Variants in FAM83B observed in about 807,000 individuals in gnomAD.
FAM83B encodes scaffolding CK1 anchoring protein B, also known as protein FAM83B.
Under a neutral mutation model 38.8 loss-of-function variants are expected in FAM83B, and 26 were observed. That is an observed-to-expected ratio of 0.67 (90% confidence interval 0.49 to 0.93). The LOEUF is 0.93. Among genes scored for constraint, FAM83B ranks in the 40% least tolerant of loss-of-function variants. FAM83B has a pLI of 0.00. For missense variants in FAM83B, 1,237 were observed against 1,197.3 expected (o/e 1.03, Z -0.49); for synonymous variants, 419 against 423.1 (o/e 0.99, Z 0.12).
Position 54,926,537 on chromosome 6 carries a change from TA to T in FAM83B, c.609+4del. 6.5e-7 allele frequency: 1 copy of T among 1,537,492 alleles called. No homozygotes were observed. Among genetic ancestry groups the T allele is most frequent in the Non-Finnish European group, 8.8e-7 (1 of 1,140,300 alleles). On this transcript the variant is annotated splice_donor_region_variant and intron_variant, in intron 3 of 4. Transcript: ENST00000306858. The stretch of plus-strand genomic sequence containing the variant: ...GGTTGTTCAGTTCAGCGTCTCAGGG[TA>T]AGAATTCTGTTTTTTTTTTCCTCAA...
chr6:54,863,696 A>T (rs1368198776), intron 1 of FAM83B, among the ~76,000 whole-genome samples: 1 of 152,238 alleles, frequency 6.6e-6, no homozygotes, highest in Non-Finnish European at 1.5e-5. Flanking sequence ...GAATGTAGTT[A>T]ATTTTTGATA....
In FAM83B at chr6:54,941,243, A is replaced by C; in HGVS notation, c.2272A>C (p.Lys758Gln). The C allele has an allele frequency of 3.1e-6, 5 of 1,613,492 alleles. No homozygotes were observed. In the South Asian group the frequency reaches 5.5e-5, roughly 18 times the overall value. Reference protein sequence around the residue: ...KEESNKELASKKEVKGSPSFL... With the variant: ...KEESNKELASQKEVKGSPSFL... ...GGAATCTAACAAAGAACTTGCTTCAAAGAAGGAAGTTAAGGGTTCCCCAAG... is the reference window on the plus strand; with the variant it reads ...GGAATCTAACAAAGAACTTGCTTCACAGAAGGAAGTTAAGGGTTCCCCAAG... Residue 758 changes from lysine to glutamine, a missense_variant, in exon 5 of 5, where the codon AAG becomes CAG. Coordinates refer to ENST00000306858, the MANE Select transcript of FAM83B (RefSeq NM_001010872.3).
chr6:54,909,042 A>T (rs1008245582), intron 2 of FAM83B, among the ~76,000 whole-genome samples: 2 of 152,196 alleles, frequency 1.3e-5, no homozygotes, highest in African/African-American at 4.8e-5. Context: ...AGTGGAAATA[A>T]TACTACTTGT....
intron 2 of FAM83B, among the ~76,000 whole-genome samples, chr6:54,910,922 A>G (rs1164137722): frequency 1.3e-5 from 2 of 152,184 alleles, no homozygotes; most frequent in Non-Finnish European, 2.9e-5. Flanking sequence ...TGTAATAAGA[A>G]AATATACTAT....
intron 1 of FAM83B, among the ~76,000 whole-genome samples, chr6:54,852,476 A>T (rs1358749510): frequency 6.6e-6 from 1 of 152,142 alleles, no homozygotes; most frequent in Non-Finnish European, 1.5e-5. Context: ...GTGTGTTCTG[A>T]CTGCTCCACC....
At chr6:54,884,812 G>A (rs1270007179) in intron 2 of FAM83B, among the ~76,000 whole-genome samples, 1 of 147,574 alleles carries the variant, frequency 6.8e-6, no homozygotes, top group Non-Finnish European at 1.5e-5. Flanking sequence ...TAGCTCTGTC[G>A]CCCATGCTGG....
At chr6:54,868,183 G>T (rs574859163) in intron 1 of FAM83B, among the ~76,000 whole-genome samples, 1 of 152,126 alleles carries the variant, frequency 6.6e-6, no homozygotes, top group Non-Finnish European at 1.5e-5. Context: ...TATGAAGTGA[G>T]CAACTTTATG....
intron 2 of FAM83B, among the ~76,000 whole-genome samples, chr6:54,907,976 G>A (rs755437362): frequency 1.8e-4 from 27 of 151,870 alleles, no homozygotes; most frequent in Non-Finnish European, 3.1e-4. Flanking sequence ...GTCCACTTAA[G>A]GAATAAAAAA....
At chr6:54,913,093 C>G (rs1377382952) in intron 2 of FAM83B, among the ~76,000 whole-genome samples, 1 of 151,912 alleles carries the variant, frequency 6.6e-6, no homozygotes, top group Non-Finnish European at 1.5e-5. Flanking sequence ...ATTGTTTATA[C>G]TTGACATCAA....
At chr6:54,908,973 T>C (rs1042537695) in intron 2 of FAM83B, among the ~76,000 whole-genome samples, 2 of 152,160 alleles carry the variant, frequency 1.3e-5, no homozygotes, top group Admixed American at 6.5e-5. Flanking sequence ...CTTAAATAAA[T>C]ATTAGTTTCT....
intron 2 of FAM83B, among the ~76,000 whole-genome samples, chr6:54,890,961 A>T (rs1772388452): frequency 6.6e-6 from 1 of 152,054 alleles, no homozygotes; most frequent in African/African-American, 2.4e-5. Flanking sequence ...AGAGAAAAAA[A>T]AAAATAAAGT....
intron 2 of FAM83B, among the ~76,000 whole-genome samples, chr6:54,893,361 AT>A (rs753054010): frequency 2.7e-4 from 41 of 152,110 alleles, no homozygotes; most frequent in Non-Finnish European, 4.9e-4. Context: ...TATTGTGGTT[AT>A]TTGTTAATAC....
chr6:54,937,378 T>C (rs993070802), intron 4 of FAM83B, among the ~76,000 whole-genome samples: 44 of 152,204 alleles, frequency 2.9e-4, no homozygotes, highest in African/African-American at 1.0e-3. Flanking sequence ...TCCTAAAAAT[T>C]GTATTTTATA....
chr6:54,892,684 A>G (rs1011590066), intron 2 of FAM83B, among the ~76,000 whole-genome samples: 2 of 149,188 alleles, frequency 1.3e-5, no homozygotes, highest in African/African-American at 2.4e-5. Context: ...TATTAATATT[A>G]TATACATAAA....
chr6:54,902,393 A>T (rs938060609), intron 2 of FAM83B, among the ~76,000 whole-genome samples: 5 of 152,122 alleles, frequency 3.3e-5, no homozygotes, highest in Non-Finnish European at 5.9e-5. Context: ...GACTCTGCCA[A>T]CTTCTACAGG....
intron 2 of FAM83B, among the ~76,000 whole-genome samples, chr6:54,897,642 T>G (rs114329739): frequency 6.6e-4 from 100 of 152,294 alleles, no homozygotes; most frequent in African/African-American, 2.3e-3. Flanking sequence ...CTGGAATTTC[T>G]TAGTCATTTT....
chr6:54,928,098 C>G (rs921823579), intron 4 of FAM83B, among the ~76,000 whole-genome samples: 2 of 152,130 alleles, frequency 1.3e-5, no homozygotes, highest in Non-Finnish European at 2.9e-5. Context: ...GAGGCTGGCT[C>G]GAGAGTGTAA....
At chr6:54,927,393 T>C in intron 3 of FAM83B, 115 bp from the exon 4 acceptor site, 2 of 757,806 alleles carry the variant, frequency 2.6e-6, no homozygotes, top group Non-Finnish European at 3.9e-6. Context: ...GTTTTTTTTT[T>C]AATTACCTTA....
At chr6:54,915,735 A>G (rs372330238) in intron 2 of FAM83B, among the ~76,000 whole-genome samples, 2 of 94,248 alleles carry the variant, frequency 2.1e-5, no homozygotes, top group East Asian at 4.5e-4. Context: ...GAACCCGGGA[A>G]GCGGAGCTTG....
Sources: gnomAD v4.1 joint callset for allele counts (sites outside exome capture counted in the v4.1 genomes callset) on GRCh38, gnomAD v4.1.1 for gene constraint, MANE v1.5 for transcripts, NCBI Gene and HGNC (gene_info 2026-07-23, HGNC 2026-07-21) for gene names.